Variants in GABRB1 observed in about 807,000 individuals in gnomAD.
The protein encoded by GABRB1 is gamma-aminobutyric acid type A receptor subunit beta1, also known as gamma-aminobutyric acid receptor subunit beta-1.
A neutral mutation model predicts 51.6 loss-of-function variants in GABRB1; 17 were observed. That is an observed-to-expected ratio of 0.33 (90% CI 0.23 to 0.49). The LOEUF (loss-of-function observed/expected upper bound fraction) is 0.49. Ranked by LOEUF, GABRB1 falls within the 20% of genes least tolerant of loss-of-function variation. The pLI, the probability that GABRB1 is intolerant of heterozygous loss-of-function variation, is 0.99. For synonymous variants in GABRB1, 247 were observed against 218.9 expected, an observed-to-expected ratio of 1.13 and a Z score of -1.14; for missense variants, 410 against 600.6, an observed-to-expected ratio of 0.68 and a Z score of 3.32.
At chr4:47,160,429 C>T (rs1358480173) in intron 3 of GABRB1, among the ~76,000 whole-genome samples, 2 of 152,126 alleles carry the variant, frequency 1.3e-5, no homozygotes, top group East Asian at 3.9e-4. Context: ...AAAGAAAAAT[C>T]CAGATAAGGG....
At chr4:47,291,982 G>A (rs950368226) in intron 4 of GABRB1, among the ~76,000 whole-genome samples, 6 of 152,202 alleles carry the variant, frequency 3.9e-5, no homozygotes, top group Non-Finnish European at 5.9e-5. Context: ...AGGCATGATT[G>A]GTTTTGAATT....
At chr4:47,065,382 CT>C (rs1206387447) in intron 3 of GABRB1, among the ~76,000 whole-genome samples, 1 of 152,210 alleles carries the variant, frequency 6.6e-6, no homozygotes, top group African/African-American at 2.4e-5. Context: ...GGAAAACTGC[CT>C]CCTTGTTGAG....
chr4:47,395,515 G>A, intron 5 of GABRB1, among the ~76,000 whole-genome samples: 1 of 152,090 alleles, frequency 6.6e-6, no homozygotes, highest in Non-Finnish European at 1.5e-5. Flanking sequence ...GATTTGGGTG[G>A]AGACACAGAG....
intron 4 of GABRB1, among the ~76,000 whole-genome samples, chr4:47,201,005 T>C (rs959360131): frequency 1.3e-5 from 2 of 152,196 alleles, no homozygotes; most frequent in Non-Finnish European, 2.9e-5. Context: ...AGTTCACTAA[T>C]ATTTAATTGG....
intron 4 of GABRB1, among the ~76,000 whole-genome samples, chr4:47,199,090 A>G: frequency 6.6e-6 from 1 of 152,164 alleles, no homozygotes; most frequent in East Asian, 1.9e-4. Flanking sequence ...AAACCATATC[A>G]ATTTCGAAGC....
At chr4:46,998,342 A>G (rs1403480308) in intron 1 of GABRB1, among the ~76,000 whole-genome samples, 7 of 152,188 alleles carry the variant, frequency 4.6e-5, no homozygotes, top group African/African-American at 1.7e-4. Context: ...TCAATATTTA[A>G]TAGTCTCCAA....
At chr4:47,258,126 T>C (rs552950720) in intron 4 of GABRB1, among the ~76,000 whole-genome samples, 2 of 152,196 alleles carry the variant, frequency 1.3e-5, no homozygotes, top group Non-Finnish European at 2.9e-5. Context: ...TTAAAATAAC[T>C]CATTTTCTTG....
intron 3 of GABRB1, among the ~76,000 whole-genome samples, chr4:47,125,343 A>G (rs1716068925): frequency 1.3e-5 from 2 of 152,096 alleles, no homozygotes; most frequent in Admixed American, 1.3e-4. Flanking sequence ...AAATGAAATG[A>G]TGCTAATTAT....
At chr4:47,356,367 G>A (rs1291269079) in intron 5 of GABRB1, among the ~76,000 whole-genome samples, 1 of 152,040 alleles carries the variant, frequency 6.6e-6, no homozygotes, top group Non-Finnish European at 1.5e-5. Context: ...ATGTATTTAG[G>A]GATGTCAGTT....
At chr4:47,342,991 G>A (rs577411731) in intron 5 of GABRB1, among the ~76,000 whole-genome samples, 15 of 152,182 alleles carry the variant, frequency 9.9e-5, no homozygotes, top group African/African-American at 2.4e-4. Context: ...ATTCCATCAC[G>A]CTGGCTGATG....
At chr4:47,253,366 T>C (rs1323837714) in intron 4 of GABRB1, among the ~76,000 whole-genome samples, 1 of 152,248 alleles carries the variant, frequency 6.6e-6, no homozygotes, top group African/African-American at 2.4e-5. Context: ...GAAGACTTTG[T>C]CAGTTGAAGA....
At chr4:47,199,737 AGGTG>A (rs1719826108) in intron 4 of GABRB1, among the ~76,000 whole-genome samples, 1 of 152,142 alleles carries the variant, frequency 6.6e-6, no homozygotes, top group African/African-American at 2.4e-5. Flanking sequence ...TCTATTTCCT[AGGTG>A]AACAGTTTGC....
intron 4 of GABRB1, among the ~76,000 whole-genome samples, chr4:47,270,299 G>A (rs899532510): frequency 1.1e-4 from 16 of 152,232 alleles, no homozygotes; most frequent in Middle Eastern, 3.4e-3. Context: ...AATAATTCCT[G>A]CCTATTAGTA....
chr4:47,244,531 T>C (rs1721663886), intron 4 of GABRB1, among the ~76,000 whole-genome samples: 1 of 152,164 alleles, frequency 6.6e-6, no homozygotes, highest in Non-Finnish European at 1.5e-5. Flanking sequence ...TTTTGGTTGG[T>C]AGGCTATTAA....
chr4:47,061,075 G>A (rs1726827844), intron 3 of GABRB1, among the ~76,000 whole-genome samples: 1 of 152,026 alleles, frequency 6.6e-6, no homozygotes, highest in Non-Finnish European at 1.5e-5. Context: ...AAAATATTTT[G>A]CTAGGAAAAT....
chr4:46,996,041 T>C (rs942285613), intron 1 of GABRB1, among the ~76,000 whole-genome samples: 1 of 151,218 alleles, frequency 6.6e-6, no homozygotes, highest in Non-Finnish European at 1.5e-5. Context: ...GCCTGAAATC[T>C]TTAAAAAAAT....
chr4:47,125,684 T>C (rs2109661842), intron 3 of GABRB1, among the ~76,000 whole-genome samples: 1 of 145,096 alleles, frequency 6.9e-6, no homozygotes, highest in East Asian at 2.0e-4. Context: ...GCCTCCCAAG[T>C]AGCTGGGACT....
chr4:47,186,258 T>C (rs1222996110), intron 4 of GABRB1, among the ~76,000 whole-genome samples: 1 of 151,788 alleles, frequency 6.6e-6, no homozygotes, highest in Non-Finnish European at 1.5e-5. Context: ...CTTGTAATCA[T>C]TGTGCTTTTA....
chr4:47,105,691 A>C (rs1696376853), intron 3 of GABRB1, among the ~76,000 whole-genome samples: 1 of 152,086 alleles, frequency 6.6e-6, no homozygotes, highest in African/African-American at 2.4e-5. Flanking sequence ...GGAAATAAGG[A>C]AGAAACATCC....
Sources: allele counts gnomAD v4.1 joint callset (sites outside exome capture counted in the v4.1 genomes callset), GRCh38; gene constraint gnomAD v4.1.1; transcripts MANE v1.5; gene names NCBI Gene and HGNC (gene_info 2026-07-23, HGNC 2026-07-21).